Variants in TGIF1 observed in about 807,000 individuals in gnomAD.
TGIF1 encodes TGFB induced factor homeobox 1.
Under a neutral mutation model 19.3 loss-of-function variants are expected in TGIF1, and 4 were observed. The ratio of observed to expected loss-of-function variants is 0.21; its 90% CI spans 0.10 to 0.47. The LOEUF (loss-of-function observed/expected upper bound fraction) is 0.47, where lower values mean the gene tolerates loss of function less well. Among genes scored for constraint, TGIF1 ranks in the 20% least tolerant of loss-of-function variants. The pLI is 0.98. For synonymous variants in TGIF1, 122 were observed against 129.3 expected, an observed-to-expected ratio of 0.94 and a Z score of 0.38; for missense variants, 275 against 341.4, an observed-to-expected ratio of 0.81 and a Z score of 1.53.
intron 2 of TGIF1, among the ~76,000 whole-genome samples, chr18:3,440,255 G>A (rs2082665022): frequency 1.3e-5 from 2 of 151,834 alleles, no homozygotes; most frequent in African/African-American, 4.8e-5. Context: ...GGAGGCTGAG[G>A]CAGGAGAATC....
At chr18:3,434,585 T>G (rs969501606) in intron 2 of TGIF1, among the ~76,000 whole-genome samples, 4 of 149,166 alleles carry the variant, frequency 2.7e-5, no homozygotes, top group African/African-American at 9.9e-5. Flanking sequence ...CGTGGTGGCA[T>G]GCGCCTGTAA....
At chr18:3,446,038 T>C (rs2082741364), upstream of TGIF1, among the ~76,000 whole-genome samples, 1 of 152,154 alleles carries the variant, frequency 6.6e-6, no homozygotes, top group Non-Finnish European at 1.5e-5. Context: ...TAAGTGATCT[T>C]GACTTTTTAA....
At chr18:3,432,605 T>A (rs1319750657) in intron 2 of TGIF1, among the ~76,000 whole-genome samples, 1 of 152,188 alleles carries the variant, frequency 6.6e-6, no homozygotes, top group Non-Finnish European at 1.5e-5. Context: ...TACTCTCAAA[T>A]GATTCAGGAA....
rs748340739 is a variant in TGIF1 at position 3,456,412 on chromosome 18, G to A, written c.75G>A (p.Leu25=). 2 of 1,614,200 alleles carry A rather than the reference G, an allele frequency of 1.2e-6. No individual in the cohort carries two copies. Among genetic ancestry groups the A allele is most frequent in the East Asian group, 2.2e-5 (1 of 44,886 alleles). Residue 25 remains leucine, a synonymous_variant, in exon 2 of 3, where the codon TTG becomes TTA. Coordinates refer to ENST00000343820, the MANE Select transcript of TGIF1 (RefSeq NM_003244.4). The surrounding 1 kb of genome is among the most constrained non-coding windows in gnomAD (Gnocchi z 4.2). ...ATGAGGACAGCATGGACATTCCCTT[G>A]GACCTTTCTTCATCCGCTGGCTCAG... is the stretch of plus-strand genomic sequence containing the variant. The part of the protein sequence containing the change: ...TEDEDSMDIP[L]DLSSSAGSGK...
upstream of TGIF1, chr18:3,448,185 G>C: frequency 1.4e-5 from 14 of 984,186 alleles, no homozygotes; most frequent in Non-Finnish European, 1.6e-5. Context: ...CGTCTCCCCA[G>C]TAACCGCCCG....
chr18:3,419,139 G>A (rs2082369040), intron 2 of TGIF1, among the ~76,000 whole-genome samples: 1 of 152,100 alleles, frequency 6.6e-6, no homozygotes, highest in East Asian at 1.9e-4. Context: ...AAAAGATTAG[G>A]ACAACCATAA....
upstream of TGIF1, among the ~76,000 whole-genome samples, chr18:3,445,723 CAAAAA>C (rs141550400): frequency 2.3e-4 from 4 of 17,696 alleles, no homozygotes; most frequent in African/African-American, 4.4e-4. Context: ...GACTCTGTCT[CAAAAA>C]AAAAAAAAAA....
chr18:3,425,685 C>T (rs369768728), intron 2 of TGIF1, among the ~76,000 whole-genome samples: 26 of 152,154 alleles, frequency 1.7e-4, no homozygotes, highest in Non-Finnish European at 2.6e-4. Flanking sequence ...CGCATGGCCC[C>T]GTCCCTAGCC....
intron 2 of TGIF1, among the ~76,000 whole-genome samples, chr18:3,421,949 T>C (rs1376921650): frequency 6.6e-6 from 1 of 152,002 alleles, no homozygotes; most frequent in Non-Finnish European, 1.5e-5. Flanking sequence ...ATCCCAGCAC[T>C]TTGCGAGGCT....
At chr18:3,439,882 G>A (rs1182743361) in intron 2 of TGIF1, among the ~76,000 whole-genome samples, 3 of 151,786 alleles carry the variant, frequency 2.0e-5, no homozygotes, top group South Asian at 4.2e-4. Flanking sequence ...TCAGCCAGGC[G>A]TTGTCGTGGG....
At chr18:3,449,871 C>G, upstream of TGIF1, 1 of 985,514 alleles carries the variant, frequency 1.0e-6, no homozygotes, top group Non-Finnish European at 1.2e-6. Context: ...CTCGCCAGCC[C>G]CGGGAAGAAA....
At chr18:3,436,887 T>G (rs1260953262) in intron 2 of TGIF1, among the ~76,000 whole-genome samples, 1 of 147,810 alleles carries the variant, frequency 6.8e-6, no homozygotes, top group Non-Finnish European at 1.5e-5. Context: ...GGTGGATCAT[T>G]CCAGGTCAGG....
upstream of TGIF1, among the ~76,000 whole-genome samples, chr18:3,445,754 G>GA (rs2082735387): frequency 1.6e-4 from 4 of 24,790 alleles, no homozygotes; most frequent in Non-Finnish European, 2.0e-4. Flanking sequence ...AAAAAAAAAA[G>GA]AGAAGAAAAG....
chr18:3,448,204 C>A (rs905999042), upstream of TGIF1: 5 of 985,378 alleles, frequency 5.1e-6, no homozygotes, highest in Non-Finnish European at 6.0e-6. Context: ...CGGTTCCAGA[C>A]GAGGCTCCTG....
At chr18:3,452,223 C>T (rs1323569991) in intron 1 of TGIF1, 3 of 1,481,454 alleles carry the variant, frequency 2.0e-6, no homozygotes, top group South Asian at 1.1e-5. Flanking sequence ...CTGCGCCCCC[C>T]CTCCTCCACC....
upstream of TGIF1, chr18:3,448,521 T>G (rs940711741): frequency 2.0e-6 from 2 of 987,958 alleles, no homozygotes; most frequent in Admixed American, 5.9e-5. Flanking sequence ...AGGACCGCGC[T>G]CCCCCCGAGC....
chr18:3,456,541 A>C lies in TGIF1; in HGVS notation c.204A>C (p.Lys68Asn). 6.2e-7 allele frequency: 1 copy of C among 1,614,270 alleles called. No individual in the cohort carries two copies. Among genetic ancestry groups the C allele is most frequent in the Non-Finnish European group, 8.5e-7 (1 of 1,180,048 alleles). Residue 68 changes from lysine to asparagine, a missense_variant, in exon 2 of 3, where the codon AAA becomes AAC. By Grantham distance (94) the Lys-to-Asn change is moderately conservative (BLOSUM62 0). Coordinates refer to ENST00000343820, the MANE Select transcript of TGIF1 (RefSeq NM_003244.4). This position sits in a 1 kb window ranked among gnomAD's most constrained non-coding sequence, Gnocchi z 4.2. ...RYNAYPSEQEKALLSQQTHLS... is the reference protein window; with the variant it reads ...RYNAYPSEQENALLSQQTHLS... The stretch of plus-strand genomic sequence containing the variant: ...ATGCCTATCCTTCAGAGCAAGAAAA[A>C]GCGTTGCTGTCCCAGCAAACACACC...
upstream of TGIF1, chr18:3,449,982 G>A: frequency 3.0e-6 from 3 of 988,394 alleles, no homozygotes; most frequent in Non-Finnish European, 3.6e-6. Flanking sequence ...CGTGTTTCTG[G>A]ACCCGGCCAC....
Position 3,451,539 on chromosome 18 carries a change from G to C in TGIF1, c.16+1034G>C. ...GAAGTTAATCACTCGGGAAGCGGAC[G>C]GGAGGGGCGGCGCTACTGCGCATGC... On this transcript the variant is annotated intron_variant, in intron 1 of 2. Transcript: ENST00000343820. The surrounding 1 kb of genome is among the most constrained non-coding windows in gnomAD (Gnocchi z 5.4). 1.2e-5 allele frequency: 12 copies of C among 1,006,324 alleles called. No homozygotes were observed. The highest frequency in any genetic ancestry group is 1.4e-5 in the Non-Finnish European group (12 of 844,748). The allele number at this position is 1,006,324 out of a possible 1,614,324, so 62.3% of individuals were successfully genotyped here.
Sources: allele counts gnomAD v4.1 joint callset (sites outside exome capture counted in the v4.1 genomes callset), GRCh38; gene constraint gnomAD v4.1.1; non-coding constraint Gnocchi (gnomAD v3.1); transcripts MANE v1.5; gene names NCBI Gene and HGNC (gene_info 2026-07-23, HGNC 2026-07-21).